ADRA1B: variants seen among roughly 807,000 people sequenced by gnomAD.
The protein encoded by ADRA1B is adrenoceptor alpha 1B.
A neutral mutation model predicts 17.9 loss-of-function variants in ADRA1B; 17 were observed. That is an observed-to-expected ratio of 0.95 (90% CI 0.65 to 1.42). ADRA1B has a LOEUF of 1.42. Ranked by LOEUF, ADRA1B falls within the 40% of genes most tolerant of loss-of-function variation. The pLI, the probability that ADRA1B is intolerant of heterozygous loss-of-function variation, is 0.00. For synonymous variants in ADRA1B, 366 were observed against 327.6 expected (o/e 1.12, Z -1.27); for missense variants, 681 against 722.1 (o/e 0.94, Z 0.65).
chr5:159,986,623 C>G, the ADRA1B span, among the ~76,000 whole-genome samples: 2 of 152,126 alleles, frequency 1.3e-5, no homozygotes, highest in South Asian at 4.1e-4. Flanking sequence ...ACCTCCAGCC[C>G]CGTCTAACGG....
intron 1 of ADRA1B, among the ~76,000 whole-genome samples, chr5:159,923,261 G>T (rs887536433): frequency 4.6e-5 from 7 of 152,406 alleles, no homozygotes; most frequent in African/African-American, 1.7e-4. Context: ...CACTACAGCA[G>T]GGTTCGAAGC....
chr5:159,903,801 G>C (rs918184485), intron 1 of ADRA1B, among the ~76,000 whole-genome samples: 1 of 152,064 alleles, frequency 6.6e-6, no homozygotes, highest in Non-Finnish European at 1.5e-5. Context: ...GGTACTCCTT[G>C]GCTCTGATTG....
chr5:159,963,288 GTA>G (rs10522262), intron 1 of ADRA1B, among the ~76,000 whole-genome samples: 8,447 of 132,324 alleles, frequency 0.064, 569 homozygotes, highest in African/African-American at 0.16. Flanking sequence ...AACAAAAAAA[GTA>G]TATATATATA....
chr5:159,955,816 G>T, intron 1 of ADRA1B, among the ~76,000 whole-genome samples: 1 of 152,184 alleles, frequency 6.6e-6, no homozygotes, highest in Non-Finnish European at 1.5e-5. Context: ...CTGGAGCCCA[G>T]AAAGGCCATG....
At chr5:159,939,626 A>AT (rs140226150) in intron 1 of ADRA1B, among the ~76,000 whole-genome samples, 1,843 of 151,994 alleles carry the variant, frequency 0.012, 44 homozygotes, top group African/African-American at 0.042. Flanking sequence ...CTCAGCTCTC[A>AT]TTTTTTCTGC....
At chr5:159,986,866 T>A in the ADRA1B span, among the ~76,000 whole-genome samples, 1 of 152,174 alleles carries the variant, frequency 6.6e-6, no homozygotes, top group East Asian at 1.9e-4. Flanking sequence ...TACTCCCCCC[T>A]CAACGGCGCC....
At position 159,917,094 on chromosome 5, in the gene ADRA1B, C is replaced by T. The variant is rs780094033; in HGVS notation, c.189C>T (p.Asn63=). The part of the protein sequence containing the change: ...GAFILFAIVG[N]ILVILSVACN... ...TCATCCTCTTTGCCATCGTGGGCAACATCCTAGTCATCTTGTCTGTGGCCT... is the reference window on the plus strand; with the variant it reads ...TCATCCTCTTTGCCATCGTGGGCAATATCCTAGTCATCTTGTCTGTGGCCT... The change falls in exon 1 of 2, where the codon AAC becomes AAT. Residue 63 remains asparagine, a synonymous_variant. Transcript: ENST00000306675. 3 of 1,614,142 alleles carry T rather than the reference C, an allele frequency of 1.9e-6. No individual in the cohort carries two copies. Among genetic ancestry groups the T allele is most frequent in the East Asian group, 2.2e-5 (1 of 44,868 alleles).
In ADRA1B at chr5:159,960,408, G is replaced by A. The variant is rs77196243; in HGVS notation, c.950-11471G>A. Among the ~76,000 whole-genome samples, 65 of 152,274 alleles carry A rather than the reference G, an allele frequency of 4.3e-4. No homozygotes were observed. The East Asian group carries it at 0.011, about 25-fold the overall frequency. On this transcript the variant is annotated intron_variant, in intron 1 of 1. Coordinates refer to ENST00000306675, the MANE Select transcript of ADRA1B (RefSeq NM_000679.4). ...GTCACTGGAGGATTGGGGCCAAGGG[G>A]GTCAACCCCATAGTGAGGTGGCTCT...
At chr5:159,962,874 G>T (rs1214354355) in intron 1 of ADRA1B, among the ~76,000 whole-genome samples, 16 of 81,204 alleles carry the variant, frequency 2.0e-4, no homozygotes, top group East Asian at 3.5e-4. Flanking sequence ...TTTTTGGCTT[G>T]TTTGGTTTTT....
downstream of ADRA1B, among the ~76,000 whole-genome samples, chr5:159,973,190 C>G (rs1171632888): frequency 6.6e-6 from 1 of 152,256 alleles, no homozygotes; most frequent in Admixed American, 6.5e-5. Context: ...AGTGCTGGCT[C>G]CCCTAGGTCC....
rs189098374 is a variant in ADRA1B, at chr5:159,942,244, G to A, written c.949+24390G>A. Among the ~76,000 whole-genome samples, 363 of 152,210 alleles carry A rather than the reference G, an allele frequency of 2.4e-3. 4 individuals carry two copies. The highest frequency in any genetic ancestry group is 8.5e-3 in the African/African-American group (354 of 41,538). On this transcript the variant is annotated intron_variant, in intron 1 of 1. Coordinates refer to ENST00000306675, the MANE Select transcript of ADRA1B (RefSeq NM_000679.4). ...GCCGGGTACTGGGTTTTTTTAGGGGGTGATGAAATTGTCCTGTAATTAGAT... is the reference window on the plus strand; with the variant it reads ...GCCGGGTACTGGGTTTTTTTAGGGGATGATGAAATTGTCCTGTAATTAGAT...
intron 1 of ADRA1B, among the ~76,000 whole-genome samples, chr5:159,968,963 A>G (rs1358290146): frequency 1.3e-5 from 2 of 152,200 alleles, no homozygotes; most frequent in African/African-American, 2.4e-5. Flanking sequence ...AAATAAGCCC[A>G]TCCCTGTGAA....
At chr5:159,945,758 T>G (rs1441451578) in intron 1 of ADRA1B, among the ~76,000 whole-genome samples, 1 of 151,292 alleles carries the variant, frequency 6.6e-6, no homozygotes, top group African/African-American at 2.4e-5. Flanking sequence ...GTTTGTTTTT[T>G]TTTTTTTGAG....
intron 1 of ADRA1B, among the ~76,000 whole-genome samples, chr5:159,886,920 T>A (rs1181970284): frequency 6.6e-6 from 1 of 152,152 alleles, no homozygotes; most frequent in African/African-American, 2.4e-5. Flanking sequence ...TTAGATATGA[T>A]GAGTATAGTA....
At chr5:159,911,362 T>C (rs1754226111) in intron 1 of ADRA1B, among the ~76,000 whole-genome samples, 1 of 152,214 alleles carries the variant, frequency 6.6e-6, no homozygotes, top group Non-Finnish European at 1.5e-5. Flanking sequence ...ATCTGCTCTC[T>C]AGTTCAGAGA....
chr5:159,895,820 A>G (rs182590408), intron 1 of ADRA1B, among the ~76,000 whole-genome samples: 4 of 152,182 alleles, frequency 2.6e-5, no homozygotes, highest in Non-Finnish European at 5.9e-5. Flanking sequence ...GCGTGGTCCA[A>G]TTTCAGTGCT....
intron 1 of ADRA1B, among the ~76,000 whole-genome samples, chr5:159,941,919 C>CTTTTTT (rs70987983): frequency 1.6e-5 from 2 of 122,138 alleles, no homozygotes; most frequent in East Asian, 2.5e-4. Flanking sequence ...TACTGGGTTT[C>CTTTTTT]TTTTTTTTTT....
intron 1 of ADRA1B, among the ~76,000 whole-genome samples, chr5:159,884,062 T>A (rs1215875255): frequency 1.3e-5 from 2 of 152,084 alleles, no homozygotes; most frequent in Non-Finnish European, 2.9e-5. Flanking sequence ...TGTGGCATCG[T>A]CTCCACAAGC....
intron 1 of ADRA1B, chr5:159,868,914 A>C (rs1753699980): frequency 6.6e-6 from 1 of 152,210 alleles, no homozygotes; most frequent in African/African-American, 2.4e-5. Context: ...AGTTTCCAGA[A>C]ATTATCAGTT....
Sources: allele counts gnomAD v4.1 joint callset (sites outside exome capture counted in the v4.1 genomes callset), GRCh38; gene constraint gnomAD v4.1.1; transcripts MANE v1.5; gene names NCBI Gene and HGNC (gene_info 2026-07-23, HGNC 2026-07-21).